Variants in CSNK1G1 observed in about 807,000 individuals in gnomAD.
CSNK1G1 encodes the protein casein kinase 1 gamma 1, also known as casein kinase I isoform gamma-1.
CSNK1G1 carries 22 observed loss-of-function variants against 59.6 expected under a neutral mutation model. That is an observed-to-expected ratio of 0.37 (90% CI 0.26 to 0.53). The LOEUF is 0.53. Ranked by LOEUF, CSNK1G1 falls within the 20% of genes least tolerant of loss-of-function variation. CSNK1G1 has a pLI of 0.89. For synonymous variants in CSNK1G1, 179 were observed against 177.1 expected, an observed-to-expected ratio of 1.01 and a Z score of -0.08; for missense variants, 384 against 519.5, an observed-to-expected ratio of 0.74 and a Z score of 2.54.
At chr15:64,242,843 G>C (rs886973374) in intron 4 of CSNK1G1, among the ~76,000 whole-genome samples, 8 of 152,014 alleles carry the variant, frequency 5.3e-5, no homozygotes, top group Non-Finnish European at 1.0e-4. Context: ...CAAAATACTA[G>C]CAAACCAAAT....
chr15:64,274,370 T>C (rs1893490996), intron 2 of CSNK1G1, among the ~76,000 whole-genome samples: 1 of 152,212 alleles, frequency 6.6e-6, no homozygotes, highest in Non-Finnish European at 1.5e-5. Flanking sequence ...ACAAAGATTA[T>C]GTTAAAACCC....
At chr15:64,295,716 A>G (rs1042274772) in intron 2 of CSNK1G1, among the ~76,000 whole-genome samples, 2 of 152,220 alleles carry the variant, frequency 1.3e-5, no homozygotes, top group East Asian at 3.8e-4. Flanking sequence ...CAAGATGTCA[A>G]CTTCTTTCCT....
chr15:64,180,412 T>C lies in CSNK1G1; in HGVS notation c.1150A>G (p.Thr384Ala). The C allele has an allele frequency of 2.5e-6, 4 of 1,614,178 alleles. No individual in the cohort carries two copies. Among genetic ancestry groups the C allele is most frequent in the Non-Finnish European group, 3.4e-6 (4 of 1,180,018 alleles). The change falls in exon 11 of 12, where the codon ACG becomes GCG. Residue 384 changes from threonine (T) to alanine (A), a missense_variant. Around this residue, in one of 3 missense-constraint regions of CSNK1G1, gnomAD observed 325 missense variants for 440.9 expected, o/e 0.74. Coordinates refer to ENST00000303052, the MANE Select transcript of CSNK1G1 (RefSeq NM_022048.5). ...TNGELNVDDP[T>A]GAHSNAPITA... ...ATTGGTGCATTGGAGTGGGCTCCCG[T>C]GGGATCATCAACATTCAGCTCTCCA... is the stretch of plus-strand genomic sequence containing the variant.
chr15:64,278,416 GTGTATA>G (rs1253390409), intron 2 of CSNK1G1, among the ~76,000 whole-genome samples: 1,402 of 98,486 alleles, frequency 0.014, 29 homozygotes, highest in African/African-American at 0.07. Context: ...GTGTGTGTGT[GTGTATA>G]TATATATATA....
chr15:64,301,185 G>T (rs1366894074), intron 1 of CSNK1G1, among the ~76,000 whole-genome samples: 4 of 152,074 alleles, frequency 2.6e-5, no homozygotes, highest in Non-Finnish European at 5.9e-5. Flanking sequence ...CAAGAATTAT[G>T]TAATCTTCAG....
intron 2 of CSNK1G1, among the ~76,000 whole-genome samples, chr15:64,265,142 GA>G (rs1892909844): frequency 6.6e-6 from 1 of 152,156 alleles, no homozygotes; most frequent in East Asian, 1.9e-4. Flanking sequence ...AAAACTATTA[GA>G]ATAAATGAAT....
At chr15:64,252,775 T>C (rs933260986) in intron 3 of CSNK1G1, among the ~76,000 whole-genome samples, 2 of 152,184 alleles carry the variant, frequency 1.3e-5, no homozygotes, top group African/African-American at 4.8e-5. Context: ...ACCTCAGAGA[T>C]AAAGCAGCCA....
intron 2 of CSNK1G1, among the ~76,000 whole-genome samples, chr15:64,265,312 G>A (rs372751848): frequency 1.3e-5 from 2 of 152,196 alleles, no homozygotes; most frequent in South Asian, 2.1e-4. Flanking sequence ...ATCTCATCTT[G>A]AATCATAGCT....
At chr15:64,323,345 A>C (rs1896663559) in intron 1 of CSNK1G1, among the ~76,000 whole-genome samples, 1 of 151,942 alleles carries the variant, frequency 6.6e-6, no homozygotes, top group South Asian at 2.1e-4. Context: ...GTCTCAAAAA[A>C]TTATTTAATT....
At chr15:64,174,716 C>T (rs2081720797) in intron 11 of CSNK1G1, among the ~76,000 whole-genome samples, 1 of 152,220 alleles carries the variant, frequency 6.6e-6, no homozygotes, top group African/African-American at 2.4e-5. Flanking sequence ...CTACCTTTTC[C>T]ATATGGCATT....
intron 10 of CSNK1G1, among the ~76,000 whole-genome samples, chr15:64,182,578 C>G (rs2081833769): frequency 6.6e-6 from 1 of 152,108 alleles, no homozygotes; most frequent in African/African-American, 2.4e-5. Context: ...GTGACATGAA[C>G]TATATATTAG....
intron 4 of CSNK1G1, among the ~76,000 whole-genome samples, chr15:64,231,432 G>GATATATAT (rs754861786): frequency 3.4e-5 from 5 of 145,398 alleles, no homozygotes; most frequent in African/African-American, 1.3e-4. Context: ...TATATATTAG[G>GATATATAT]ATATATATAT....
chr15:64,335,425 AT>A (rs904082835), intron 1 of CSNK1G1, among the ~76,000 whole-genome samples: 19 of 152,196 alleles, frequency 1.2e-4, no homozygotes, highest in African/African-American at 3.9e-4. Context: ...CTTAAAAAAA[AT>A]AAGGGCTTTA....
chr15:64,295,120 A>G (rs1311704094), intron 2 of CSNK1G1, among the ~76,000 whole-genome samples: 1 of 152,120 alleles, frequency 6.6e-6, no homozygotes, highest in Non-Finnish European at 1.5e-5. Context: ...AGTCTCAGAT[A>G]TGCATTTCTG....
At chr15:64,330,408 G>C (rs1180998982) in intron 1 of CSNK1G1, among the ~76,000 whole-genome samples, 1 of 151,462 alleles carries the variant, frequency 6.6e-6, no homozygotes, top group Admixed American at 6.6e-5. Context: ...CATATAAACA[G>C]AGCCAAAGAC....
intron 1 of CSNK1G1, among the ~76,000 whole-genome samples, chr15:64,350,310 G>A (rs1468220517): frequency 1.3e-5 from 2 of 151,928 alleles, no homozygotes; most frequent in Non-Finnish European, 2.9e-5. Context: ...TGGCTAACAC[G>A]GTGAAACCCC....
intron 2 of CSNK1G1, among the ~76,000 whole-genome samples, chr15:64,297,251 G>A (rs758663235): frequency 6.6e-6 from 1 of 152,006 alleles, no homozygotes; most frequent in African/African-American, 2.4e-5. Flanking sequence ...GAGAAGAAAC[G>A]TGCTATTTTA....
intron 11 of CSNK1G1, among the ~76,000 whole-genome samples, chr15:64,175,601 C>T (rs1469736726): frequency 6.6e-6 from 1 of 152,128 alleles, no homozygotes; most frequent in African/African-American, 2.4e-5. Context: ...GTGGAAAAGA[C>T]AGGCTCCAAT....
intron 2 of CSNK1G1, among the ~76,000 whole-genome samples, chr15:64,292,841 C>G (rs917907173): frequency 6.6e-6 from 1 of 151,950 alleles, no homozygotes; most frequent in Non-Finnish European, 1.5e-5. Flanking sequence ...GGCAGGAGAA[C>G]TGCTTGAACC....
Sources: allele counts gnomAD v4.1 joint callset (sites outside exome capture counted in the v4.1 genomes callset), GRCh38; gene constraint gnomAD v4.1.1; regional missense constraint gnomAD v4.1.1; transcripts MANE v1.5; gene names NCBI Gene and HGNC (gene_info 2026-07-23, HGNC 2026-07-21).